MYO9A: variants seen among roughly 807,000 people sequenced by gnomAD.
The protein encoded by MYO9A is myosin IXA.
In MYO9A, 103 loss-of-function variants were observed where a neutral mutation model predicts 293.3. That is an observed-to-expected ratio of 0.35 (90% CI 0.30 to 0.41). MYO9A has a LOEUF of 0.41. MYO9A is among the 10% of genes least tolerant of loss of function. MYO9A has a pLI of 1.00. For missense variants in MYO9A, 2,685 were observed against 3,033.0 expected, an observed-to-expected ratio of 0.89 and a Z score of 2.69; for synonymous variants, 1,001 against 1,035.7, an observed-to-expected ratio of 0.97 and a Z score of 0.64.
chr15:71,879,879 T>C, intron 29 of MYO9A, 42 bp from the exon 30 acceptor site: 2 of 1,309,786 alleles, frequency 1.5e-6, no homozygotes, highest in Admixed American at 1.7e-5. Context: ...ATCAACTAAT[T>C]GAAAAGAAGT....
intron 13 of MYO9A, 120 bp from the exon 14 acceptor site, chr15:71,960,216 C>CCCATCTCCA: frequency 2.3e-6 from 2 of 866,924 alleles, no homozygotes; most frequent in Non-Finnish European, 3.6e-6. Flanking sequence ...ATGTGATTCC[C>CCCATCTCCA]CCATGGTGGA....
At chr15:71,914,467 T>C (rs2899774) in intron 19 of MYO9A, among the ~76,000 whole-genome samples, 140,520 of 152,178 alleles carry the variant, frequency 0.92, 65,269 homozygotes, top group Non-Finnish European at 0.97. Context: ...CCATTTTGAC[T>C]ACCTGCAATT....
chr15:71,973,833 G>A (rs748471), intron 12 of MYO9A, among the ~76,000 whole-genome samples: 3,236 of 152,308 alleles, frequency 0.021, 112 homozygotes, highest in African/African-American at 0.075. Context: ...GTGCTGAGAA[G>A]CGCTAAATCT....
intron 14 of MYO9A, among the ~76,000 whole-genome samples, chr15:71,956,326 A>ATATATATATATATATATATAT (rs1371050523): frequency 2.0e-4 from 2 of 9,888 alleles, no homozygotes; most frequent in African/African-American, 3.5e-4. Flanking sequence ...AAAAAAAAAA[A>ATATATATATATATATATATAT]AAAAATATAT....
intron 1 of MYO9A, among the ~76,000 whole-genome samples, chr15:72,101,963 C>T (rs1301777222): frequency 2.0e-5 from 3 of 151,002 alleles, no homozygotes; most frequent in South Asian, 2.1e-4. Flanking sequence ...CCCCTCTGCC[C>T]GGCCACCACC....
At chr15:72,107,811 AC>A (rs79151065) in intron 1 of MYO9A, among the ~76,000 whole-genome samples, 4 of 150,058 alleles carry the variant, frequency 2.7e-5, no homozygotes, top group African/African-American at 9.7e-5. Flanking sequence ...AAAAAAAAAA[AC>A]GTCTGCAAAT....
At chr15:71,868,658 A>G (rs1371733751) in intron 32 of MYO9A, among the ~76,000 whole-genome samples, 10 of 152,198 alleles carry the variant, frequency 6.6e-5, no homozygotes, top group Admixed American at 6.5e-4. Flanking sequence ...GTTCAATGAT[A>G]AAAGCAAAGC....
At chr15:71,910,400 T>C (rs958823280) in intron 19 of MYO9A, among the ~76,000 whole-genome samples, 2 of 152,042 alleles carry the variant, frequency 1.3e-5, no homozygotes, top group African/African-American at 4.8e-5. Flanking sequence ...TTATATTTTG[T>C]AAATTTCCAG....
intron 41 of MYO9A, among the ~76,000 whole-genome samples, chr15:71,827,518 CA>C (rs1298929355): frequency 2.8e-5 from 4 of 144,422 alleles, no homozygotes. Context: ...TACCAAAAAA[CA>C]AAACAAAACA....
At chr15:72,075,921 C>T (rs2079336023) in intron 1 of MYO9A, among the ~76,000 whole-genome samples, 1 of 152,194 alleles carries the variant, frequency 6.6e-6, no homozygotes, top group Non-Finnish European at 1.5e-5. Flanking sequence ...ACTGTTACCA[C>T]TTCTGTTCAA....
At chr15:72,060,388 GAAAATAAAAAATA>G (rs1419686738) in intron 1 of MYO9A, among the ~76,000 whole-genome samples, 2 of 150,868 alleles carry the variant, frequency 1.3e-5, no homozygotes, top group East Asian at 3.9e-4. Context: ...AGTCTTATTA[GAAAATAAAAAATA>G]AAAATAAAAA....
At chr15:72,015,587 C>T (rs2077307260) in intron 6 of MYO9A, among the ~76,000 whole-genome samples, 3 of 152,114 alleles carry the variant, frequency 2.0e-5, no homozygotes, top group Admixed American at 2.0e-4. Context: ...CCATTAAAAC[C>T]CTACCTAATA....
chr15:72,038,586 A>G (rs1436605539), intron 2 of MYO9A, among the ~76,000 whole-genome samples: 2 of 152,186 alleles, frequency 1.3e-5, no homozygotes, highest in East Asian at 1.9e-4. Flanking sequence ...AAAGACACCA[A>G]TTTAACAACT....
At chr15:71,873,952 T>C (rs1350651222) in intron 32 of MYO9A, among the ~76,000 whole-genome samples, 4 of 152,160 alleles carry the variant, frequency 2.6e-5, no homozygotes, top group African/African-American at 9.7e-5. Context: ...AAAATCTCAG[T>C]GGTGGGTGGC....
rs1159673888 is a variant in MYO9A at position 71,927,935 on chromosome 15, CG to C, written c.2562+5734del. Among the ~76,000 whole-genome samples, 11 of 141,660 alleles carry C rather than the reference CG, an allele frequency of 7.8e-5. No homozygotes were observed. The South Asian group carries it at 2.5e-3, about 33-fold the overall frequency. 92.9% of individuals were successfully genotyped at this position (141,660 alleles called of 152,430 possible). ...TTAAAGTCAACTAACCATAAATGTA[CG>C]GGTTTACTTCTGAGCTTTTAATACT... is the stretch of plus-strand genomic sequence containing the variant. On this transcript the variant is annotated intron_variant, in intron 18 of 41. Transcript: ENST00000356056.
chr15:71,908,915 C>A (rs970102828), intron 19 of MYO9A, among the ~76,000 whole-genome samples: 1 of 152,092 alleles, frequency 6.6e-6, no homozygotes, highest in African/African-American at 2.4e-5. Context: ...GCCTACTCAT[C>A]CTCCCCCAAC....
chr15:72,023,356 C>G (rs2077560520), intron 4 of MYO9A, among the ~76,000 whole-genome samples: 1 of 152,122 alleles, frequency 6.6e-6, no homozygotes. Flanking sequence ...CACGGTGGCT[C>G]ACACCTATAA....
chr15:72,056,680 A>G (rs1409403846), intron 1 of MYO9A, among the ~76,000 whole-genome samples: 1 of 152,226 alleles, frequency 6.6e-6, no homozygotes, highest in Non-Finnish European at 1.5e-5. Context: ...AATCACCACT[A>G]AAGAACTTAC....
intron 11 of MYO9A, among the ~76,000 whole-genome samples, chr15:71,979,196 C>T (rs1363067589): frequency 6.6e-6 from 1 of 152,058 alleles, no homozygotes; most frequent in Non-Finnish European, 1.5e-5. Flanking sequence ...GAAGAATGAA[C>T]ACTAACATAA....
Sources: allele counts gnomAD v4.1 joint callset (sites outside exome capture counted in the v4.1 genomes callset), GRCh38; gene constraint gnomAD v4.1.1; transcripts MANE v1.5; gene names NCBI Gene and HGNC (gene_info 2026-07-23, HGNC 2026-07-21).